The following TBC1D1 variants were observed in gnomAD, a reference collection of about 807,000 sequenced individuals.
TBC1D1 encodes the protein TBC1 domain family member 1, also known as TBC1 (tre-2/USP6, BUB2, cdc16) domain family, member 1.
TBC1D1 carries 89 observed loss-of-function variants against 125.6 expected under a neutral mutation model. That is an observed-to-expected ratio of 0.71 (90% CI 0.60 to 0.85). The LOEUF is 0.85. TBC1D1 is among the 40% of genes least tolerant of loss of function. TBC1D1 has a pLI of 0.00. For synonymous variants in TBC1D1, 565 were observed against 564.1 expected, an observed-to-expected ratio of 1.00 and a Z score of -0.02; for missense variants, 1,377 against 1,469.2, an observed-to-expected ratio of 0.94 and a Z score of 1.03.
At chr4:37,913,538 G>C (rs1294621538) in intron 2 of TBC1D1, among the ~76,000 whole-genome samples, 1 of 152,060 alleles carries the variant, frequency 6.6e-6, no homozygotes, top group South Asian at 2.1e-4. Context: ...GGCAGAGGTT[G>C]CGGTGAGCTG....
chr4:38,118,015 G>A lies in TBC1D1; in HGVS notation c.2803-18G>A. 1 of 1,613,402 alleles carries A rather than the reference G, an allele frequency of 6.2e-7. No individual in the cohort carries two copies. Among genetic ancestry groups the A allele is most frequent in the Non-Finnish European group, 8.5e-7 (1 of 1,179,608 alleles). The stretch of plus-strand genomic sequence containing the variant: ...GGCAGATCCCTAATTCTCAGCCCTT[G>A]TGGCTGTCTTCCTGCAGATCCAGAT... On this transcript the variant is annotated intron_variant, in intron 16 of 19. Coordinates refer to ENST00000261439, the MANE Select transcript of TBC1D1 (RefSeq NM_015173.4).
rs140017677 is a variant in TBC1D1, at chr4:37,943,654, C to T, written c.417+41142C>T. On this transcript the variant is annotated intron_variant, in intron 2 of 19. Coordinates refer to ENST00000261439, the MANE Select transcript of TBC1D1 (RefSeq NM_015173.4). ...AGCTACGAAGCTTGTGCATTTGTCA[C>T]ATAGTTCTCATGCCATAGTTTTCAG... is the stretch of plus-strand genomic sequence containing the variant. 1.1e-3 allele frequency among the ~76,000 whole-genome samples: 168 copies of T among 152,362 alleles called. 1 individual carries two copies. Among genetic ancestry groups the T allele is most frequent in the African/African-American group, 3.8e-3 (156 of 41,580 alleles).
chr4:38,065,542 A>G (rs1162845553), intron 12 of TBC1D1, among the ~76,000 whole-genome samples: 1 of 152,204 alleles, frequency 6.6e-6, no homozygotes, highest in African/African-American at 2.4e-5. Flanking sequence ...AATGAAGCGC[A>G]TCAGATATTA....
intron 19 of TBC1D1, 70 bp from the exon 22 acceptor site, chr4:38,137,065 C>T (rs997821176): frequency 2.5e-6 from 4 of 1,605,626 alleles, no homozygotes; most frequent in East Asian, 2.2e-5. Context: ...GGCTGGACAG[C>T]GTGTGGGCAC....
chr4:38,065,499 G>A (rs966844743), intron 12 of TBC1D1, among the ~76,000 whole-genome samples: 2 of 152,180 alleles, frequency 1.3e-5, no homozygotes, highest in African/African-American at 4.8e-5. Flanking sequence ...TATGGCAGGG[G>A]ATGAAACAGG....
At position 38,138,609 on chromosome 4, in the gene TBC1D1, G is replaced by C. The variant is rs1302780427; in HGVS notation, c.*1274G>C. 1 of 152,674 alleles carries C rather than the reference G, an allele frequency of 6.5e-6. No individual in the cohort carries two copies. Among genetic ancestry groups the C allele is most frequent in the Non-Finnish European group, 1.5e-5 (1 of 68,054 alleles). The allele number at this position is 152,674 out of a possible 1,614,324, so 9.5% of individuals were successfully genotyped here. A position where few individuals can be genotyped will look rare whatever the true frequency, so the allele number is the denominator to read the frequency against. On this transcript the variant is annotated 3_prime_UTR_variant, in exon 20 of 20. Coordinates refer to ENST00000261439, the MANE Select transcript of TBC1D1 (RefSeq NM_015173.4). ...GCTGCTCACGGTTGTCCTGCTTGCA[G>C]CCAGTCACTGTGTAAAGCCTCTCTG...
chr4:38,132,684 T>A (rs974544369), intron 18 of TBC1D1: 2 of 168,220 alleles, frequency 1.2e-5, no homozygotes, highest in South Asian at 2.1e-4. Context: ...AGGCTATGAT[T>A]CTTTTGTTTC....
At chr4:38,078,539 G>C (rs1755985094) in intron 12 of TBC1D1, among the ~76,000 whole-genome samples, 1 of 152,190 alleles carries the variant, frequency 6.6e-6, no homozygotes, top group African/African-American at 2.4e-5. Context: ...ATTAAGTTTA[G>C]ATGAGATTGT....
intron 16 of TBC1D1, among the ~76,000 whole-genome samples, chr4:38,117,028 A>C (rs540225222): frequency 1.3e-5 from 2 of 152,356 alleles, no homozygotes; most frequent in East Asian, 3.9e-4. Context: ...TTCTTCCTAC[A>C]TTCCCTTTAT....
intron 4 of TBC1D1, among the ~76,000 whole-genome samples, chr4:38,019,476 CAT>C (rs1262258943): frequency 6.6e-6 from 1 of 152,092 alleles, no homozygotes; most frequent in African/African-American, 2.4e-5. Flanking sequence ...TGAGATTACC[CAT>C]AGAGTTTTTA....
chr4:37,960,794 C>T (rs919185477), intron 2 of TBC1D1: 2 of 1,614,002 alleles, frequency 1.2e-6, no homozygotes, highest in African/African-American at 2.7e-5. Context: ...TCTTTCCCTT[C>T]AATCTTCTAG....
chr4:38,115,577 G>T, intron 15 of TBC1D1, 133 bp from the exon 18 acceptor site: 1 of 906,394 alleles, frequency 1.1e-6, no homozygotes, highest in Non-Finnish European at 1.6e-6. Flanking sequence ...AGAGGAAGTG[G>T]CAAAGACTGA....
chr4:37,936,670 G>A (rs1724465128), intron 2 of TBC1D1, among the ~76,000 whole-genome samples: 1 of 152,150 alleles, frequency 6.6e-6, no homozygotes, highest in Non-Finnish European at 1.5e-5. Context: ...TAGGGCTGGA[G>A]GATAATATAA....
chr4:38,091,956 G>T (rs969144526), intron 13 of TBC1D1, among the ~76,000 whole-genome samples: 7 of 152,142 alleles, frequency 4.6e-5, no homozygotes, highest in African/African-American at 1.7e-4. Flanking sequence ...GCTCTGTAAA[G>T]TTCCACATGT....
intron 19 of TBC1D1, 145 bp downstream of exon 21, chr4:38,133,402 C>T: frequency 1.5e-6 from 1 of 658,714 alleles, no homozygotes; most frequent in Non-Finnish European, 2.5e-6. Context: ...CAAAGGTATC[C>T]CGGGAGAATG....
In TBC1D1 at chr4:38,021,642, G is replaced by A. The variant is rs959915273; in HGVS notation, c.1134G>A (p.Gln378=). 2.5e-6 allele frequency: 4 copies of A among 1,596,198 alleles called. No homozygotes were observed. Among genetic ancestry groups the A allele is most frequent in the Non-Finnish European group, 2.6e-6 (3 of 1,172,140 alleles). The change falls in exon 6 of 20, where the codon CAG becomes CAA. Residue 378 remains glutamine (Q), a synonymous_variant. Coordinates refer to ENST00000261439, the MANE Select transcript of TBC1D1 (RefSeq NM_015173.4). ...CCTTCACGGTGGCCGCAGTGCAGCA[G>A]ACAGCTAAGGCGCCAGCCCAGCTGT... is the stretch of plus-strand genomic sequence containing the variant.
chr4:38,118,882 G>A (rs1763410863), intron 17 of TBC1D1, among the ~76,000 whole-genome samples: 3 of 152,222 alleles, frequency 2.0e-5, no homozygotes, highest in Admixed American at 1.3e-4. Flanking sequence ...TCAAAGTTAG[G>A]TGAGTGTTCA....
rs932539018 is a variant in TBC1D1 at position 37,995,303 on chromosome 4, G to C, written c.418-19206G>C. On this transcript the variant is annotated intron_variant, in intron 2 of 19. Transcript: ENST00000261439. The surrounding 1 kb of genome is among the most constrained non-coding windows in gnomAD (Gnocchi z 4.3). ...TTCAGACTTGGAAACTTCGTTGTCT[G>C]TGCAACTTCATACTGTTTCATTCTT... is the stretch of plus-strand genomic sequence containing the variant. Among the ~76,000 whole-genome samples, 2 of 152,234 alleles carry C rather than the reference G, an allele frequency of 1.3e-5. No individual in the cohort carries two copies. The highest frequency in any genetic ancestry group is 2.9e-5 in the Non-Finnish European group (2 of 68,034).
At chr4:37,910,825 A>T (rs185722102) in intron 2 of TBC1D1, among the ~76,000 whole-genome samples, 2 of 152,082 alleles carry the variant, frequency 1.3e-5, no homozygotes, top group African/African-American at 2.4e-5. Flanking sequence ...CAAAAGATAG[A>T]TGCTTGAGGT....
Sources: allele counts gnomAD v4.1 joint callset (sites outside exome capture counted in the v4.1 genomes callset), GRCh38; gene constraint gnomAD v4.1.1; non-coding constraint Gnocchi (gnomAD v3.1); transcripts MANE v1.5; gene names NCBI Gene and HGNC (gene_info 2026-07-23, HGNC 2026-07-21).